The following NEMF variants were observed in gnomAD, a reference collection of about 807,000 sequenced individuals.
The protein encoded by NEMF is ribosome quality control complex subunit NEMF.
In NEMF, 89 loss-of-function variants were observed where a neutral mutation model predicts 162.2. The ratio of observed to expected loss-of-function variants is 0.55; its 90% CI spans 0.46 to 0.65. The LOEUF (loss-of-function observed/expected upper bound fraction) is 0.65, where lower values mean the gene tolerates loss of function less well. Ranked by LOEUF, NEMF falls within the 30% of genes least tolerant of loss-of-function variation. The pLI is 0.00. For synonymous variants in NEMF, 421 were observed against 404.5 expected (o/e 1.04, Z -0.49); for missense variants, 1,133 against 1,261.9 (o/e 0.90, Z 1.55).
chr14:49,846,977 C>T (rs1457484715), intron 3 of NEMF, among the ~76,000 whole-genome samples: 2 of 152,194 alleles, frequency 1.3e-5, no homozygotes, highest in Non-Finnish European at 2.9e-5. Context: ...CCTCCGCCTC[C>T]CAGGTTCAAG....
chr14:49,800,800 C>CA (rs1890918564), intron 22 of NEMF, 104 bp from the exon 23 acceptor site: 10 of 1,111,920 alleles, frequency 9.0e-6, no homozygotes, highest in African/African-American at 3.1e-5. Flanking sequence ...CATATTTCTC[C>CA]AAAAAATCAA....
At chr14:49,825,255 T>A (rs1892278825) in intron 16 of NEMF, among the ~76,000 whole-genome samples, 1 of 152,166 alleles carries the variant, frequency 6.6e-6, no homozygotes. Flanking sequence ...GTGTATGTAA[T>A]GGAACACAAG....
chr14:49,798,361 G>A (rs1459538278), intron 25 of NEMF, among the ~76,000 whole-genome samples: 1 of 152,112 alleles, frequency 6.6e-6, no homozygotes, highest in Non-Finnish European at 1.5e-5. Context: ...ATCACTCATT[G>A]ATTTACCAAA....
At chr14:49,821,786 C>A (rs2139936030) in intron 16 of NEMF, among the ~76,000 whole-genome samples, 1 of 151,938 alleles carries the variant, frequency 6.6e-6, no homozygotes, top group East Asian at 2.0e-4. Context: ...CTCTGCCCAG[C>A]CACCACCCCG....
chr14:49,831,108 G>A (rs1448110357), intron 11 of NEMF, among the ~76,000 whole-genome samples, 191 bp downstream of exon 11: 1 of 152,052 alleles, frequency 6.6e-6, no homozygotes, highest in African/African-American at 2.4e-5. Flanking sequence ...AAACAAATGA[G>A]GACATACTTT....
chr14:49,844,111 C>CCAAAA (rs1893350171), intron 4 of NEMF, among the ~76,000 whole-genome samples: 1 of 149,620 alleles, frequency 6.7e-6, no homozygotes, highest in East Asian at 2.0e-4. Context: ...AAAAAAAAAA[C>CCAAAA]CAAAACAAAA....
intron 20 of NEMF, among the ~76,000 whole-genome samples, 177 bp downstream of exon 20, chr14:49,803,060 G>C (rs991971796): frequency 1.5e-4 from 23 of 152,140 alleles, no homozygotes; most frequent in Admixed American, 5.9e-4. Context: ...ACATGAAGAA[G>C]ATATGACAAA....
chr14:49,787,012 C>A (rs893080728), intron 28 of NEMF: 1 of 358,796 alleles, frequency 2.8e-6, no homozygotes, highest in South Asian at 5.9e-5. Context: ...GAGGTGGGAA[C>A]TGAAACTTTC....
At chr14:49,846,095 T>C (rs374788719) in intron 4 of NEMF, 45 bp downstream of exon 4, 2 of 1,567,422 alleles carry the variant, frequency 1.3e-6, no homozygotes, top group Non-Finnish European at 1.7e-6. Flanking sequence ...TACAAAATGA[T>C]TAATAAGAAA....
In NEMF at chr14:49,782,927, G is replaced by A. The variant is rs749035915; in HGVS notation, c.*1709C>T. The A allele has an allele frequency of 6.2e-7, 1 of 1,613,318 alleles. No homozygotes were observed. The highest frequency in any genetic ancestry group is 1.7e-5 in the Admixed American group (1 of 59,890). ...ACTTCACAGTGTTAATCAGAGGTTT[G>A]GTAGTAACAACACTTCTGGATCTTA... On this transcript the variant is annotated 3_prime_UTR_variant, in exon 33 of 33. Transcript: ENST00000298310.
In NEMF at chr14:49,782,547, C is replaced by T. The variant is rs1244310506; in HGVS notation, c.*2089G>A. On this transcript the variant is annotated 3_prime_UTR_variant, in exon 33 of 33. Coordinates refer to ENST00000298310, the MANE Select transcript of NEMF (RefSeq NM_004713.6). ...TCTTCCTATTTATTTTTCAGGCACA[C>T]AGTAATGAAATACTAATATTTTCAG... 1.2e-6 allele frequency: 2 copies of T among 1,606,818 alleles called. No homozygotes were observed. Among genetic ancestry groups the T allele is most frequent in the South Asian group, 1.1e-5 (1 of 90,190 alleles).
At chr14:49,799,207 CAAAAAA>C (rs780442972) in intron 25 of NEMF, among the ~76,000 whole-genome samples, 1,143 of 59,046 alleles carry the variant, frequency 0.019, 12 homozygotes, top group Non-Finnish European at 0.023. Context: ...GACCCTGTTT[CAAAAAA>C]AAAAAAAAAA....
In NEMF at chr14:49,829,105, C is replaced by CAAAGAA; in HGVS notation, c.1180_1181insTTCTTT (p.Ser394delinsIleLeuCys). The CAAAGAA allele has an allele frequency of 6.2e-7, 1 of 1,614,176 alleles. No homozygotes were observed. The highest frequency in any genetic ancestry group is 8.5e-7 in the Non-Finnish European group (1 of 1,180,022). ...TTGTAGTTTTAATTCTTTGATTGCA[C>CAAAGAA]TTGCAACAGGGTCTCCTTGAGCCTG... On this transcript the variant is annotated protein_altering_variant, in exon 13 of 33. Transcript: ENST00000298310.
chr14:49,812,723 C>T (rs1056555627), intron 18 of NEMF, among the ~76,000 whole-genome samples: 2 of 152,006 alleles, frequency 1.3e-5, no homozygotes, highest in Non-Finnish European at 2.9e-5. Flanking sequence ...TTTCTCTACT[C>T]CTGGTTTCTA....
At chr14:49,806,250 ATATATATTTTTTTTT>A (rs1477616144) in intron 18 of NEMF, 117 bp from the exon 19 acceptor site, 48 of 19,156 alleles carry the variant, frequency 2.5e-3, no homozygotes, top group Non-Finnish European at 3.3e-3. Flanking sequence ...ATATATATAT[ATATATATTTTTTTTT>A]TTTTTTTTTT....
intron 25 of NEMF, among the ~76,000 whole-genome samples, chr14:49,798,824 G>T (rs370609561): frequency 6.6e-6 from 1 of 151,694 alleles, no homozygotes; most frequent in African/African-American, 2.4e-5. Context: ...GGAGAACGGC[G>T]TGAACCCGGG....
intron 18 of NEMF, 70 bp downstream of exon 18, chr14:49,813,918 T>G: frequency 2.2e-6 from 2 of 904,176 alleles, no homozygotes; most frequent in Non-Finnish European, 3.7e-6. Context: ...ATTAAATTTT[T>G]GTCTTACAGT....
chr14:49,833,995 T>C (rs1892770301), intron 7 of NEMF: 1 of 320,470 alleles, frequency 3.1e-6, no homozygotes, highest in Non-Finnish European at 6.2e-6. Context: ...CAGCACCTGT[T>C]GTCATTTTAT....
At chr14:49,827,737 T>TGG (rs1196388572) in intron 15 of NEMF, among the ~76,000 whole-genome samples, 2 of 151,404 alleles carry the variant, frequency 1.3e-5, no homozygotes, top group African/African-American at 2.4e-5. Context: ...CGCTTGAACC[T>TGG]GGGAGGCAGA....
Sources: allele counts gnomAD v4.1 joint callset (sites outside exome capture counted in the v4.1 genomes callset), GRCh38; gene constraint gnomAD v4.1.1; transcripts MANE v1.5; gene names NCBI Gene and HGNC (gene_info 2026-07-23, HGNC 2026-07-21).